ASMT: variants seen among roughly 807,000 people sequenced by gnomAD.
ASMT encodes the protein acetylserotonin N-methyltransferase.
Under a neutral mutation model 41.3 loss-of-function variants are expected in ASMT, and 53 were observed. The ratio of observed to expected loss-of-function variants is 1.28; its 90% CI spans 1.03 to 1.61. The LOEUF is 1.61. Among genes scored for constraint, ASMT ranks in the 40% most tolerant of loss-of-function variants. The pLI is 0.00. For missense variants in ASMT, 531 were observed against 441.3 expected, an observed-to-expected ratio of 1.20 and a Z score of -1.82; for synonymous variants, 231 against 184.8, an observed-to-expected ratio of 1.25 and a Z score of -2.03.
At chrX:1,618,657 G>C (rs1446076279) in intron 1 of ASMT, among the ~76,000 whole-genome samples, 2 of 151,986 alleles carry the variant, frequency 1.3e-5, no homozygotes, top group African/African-American at 4.8e-5. Context: ...GGCTGGTCTC[G>C]AACTCCTGAC....
Position 1,636,285 on chromosome X carries a change from CT to C in ASMT, c.788-148del. On this transcript the variant is annotated intron_variant, in intron 7 of 8. Coordinates refer to ENST00000381241, the MANE Select transcript of ASMT (RefSeq NM_001171038.2). ...GTATTTTCTTATCTTTCTCCTAAGC[CT>C]TTTTGTTTTCTGAGGCTAGGTCTGC... 5 of 1,142,234 alleles carry C rather than the reference CT, an allele frequency of 4.4e-6. No homozygotes were observed. The South Asian group carries it at 6.2e-5, about 14-fold the overall frequency. The allele number at this position is 1,142,234 out of a possible 1,614,324, so 70.8% of individuals were successfully genotyped here. A position where few individuals can be genotyped will look rare whatever the true frequency, so the allele number is the denominator to read the frequency against.
intron 1 of ASMT, among the ~76,000 whole-genome samples, chrX:1,621,393 C>G (rs1349793158): frequency 3.3e-5 from 5 of 151,728 alleles, no homozygotes; most frequent in African/African-American, 1.2e-4. Flanking sequence ...TCTTGGCTCA[C>G]TGCAATCTCC....
At chrX:1,616,564 A>G (rs1172717713) in intron 1 of ASMT, among the ~76,000 whole-genome samples, 1 of 151,172 alleles carries the variant, frequency 6.6e-6, no homozygotes, top group Non-Finnish European at 1.5e-5. Flanking sequence ...GTGCCCCTGA[A>G]TTATGCTTGA....
At chrX:1,616,219 G>C (rs1333982659) in intron 1 of ASMT, among the ~76,000 whole-genome samples, 1 of 151,384 alleles carries the variant, frequency 6.6e-6, no homozygotes, top group Non-Finnish European at 1.5e-5. Flanking sequence ...AGTAGAGATG[G>C]GGTTTCACCA....
chrX:1,632,025 G>A (rs1332392485), intron 5 of ASMT, among the ~76,000 whole-genome samples: 1 of 152,130 alleles, frequency 6.6e-6, no homozygotes, highest in African/African-American at 2.4e-5. Flanking sequence ...CTCCAGCCTG[G>A]TGACAGAGTG....
rs1252118941 is a variant in ASMT at position 1,616,908 on chromosome X, C to T, written c.69+1640C>T. Among the ~76,000 whole-genome samples the T allele has an allele frequency of 1.1e-4, 16 of 151,900 alleles. No homozygotes were observed. In the East Asian group the frequency reaches 2.4e-3, roughly 23 times the overall value. Reference sequence around the variant, plus strand: ...TATTTTTAGTAGAGACGGGGTTTCACCGTGTTAGCCAGGATGGTCTCGATC... The same window carrying T: ...TATTTTTAGTAGAGACGGGGTTTCATCGTGTTAGCCAGGATGGTCTCGATC... On this transcript the variant is annotated intron_variant, in intron 1 of 8. Transcript: ENST00000381241.
chrX:1,623,140 T>C lies in ASMT; in HGVS notation c.71T>C (p.Val24Ala), dbSNP rs779198895. 2 of 1,612,248 alleles carry C rather than the reference T, an allele frequency of 1.2e-6. No homozygotes were observed. The highest frequency in any genetic ancestry group is 4.5e-5 in the East Asian group (2 of 44,880). The change falls in exon 2 of 9, where the codon GTT (valine) becomes GCT (alanine). Residue 24 changes from valine (V) to alanine (A), a missense_variant and splice_region_variant. By Grantham distance (64) the Val-to-Ala change is moderately conservative (BLOSUM62 0). Coordinates refer to ENST00000381241, the MANE Select transcript of ASMT (RefSeq NM_001171038.2). Reference sequence around the variant, plus strand: ...TTTTATTTCCGCTCCTGCTCCAAGGTTCTCTTCGCCGCCTGCGAGCTGGGC... The same window carrying C: ...TTTTATTTCCGCTCCTGCTCCAAGGCTCTCTTCGCCGCCTGCGAGCTGGGC... ...DYANGFMVSQ[V>A]LFAACELGVF...
At chrX:1,620,714 C>A (rs1194589250) in intron 1 of ASMT, among the ~76,000 whole-genome samples, 4 of 151,990 alleles carry the variant, frequency 2.6e-5, no homozygotes, top group Non-Finnish European at 5.9e-5. Context: ...TGGTGAAACC[C>A]CGCCTCTACT....
rs1182360165 is a variant in ASMT, at chrX:1,633,343, G to T, written c.787+53G>T. ...GATGTGTCTCACGGCTTCTCCAGGG[G>T]GACTGGATGTTTCTGGGAAATGAAG... On this transcript the variant is annotated intron_variant, in intron 7 of 8. Transcript: ENST00000381241. 1.1e-5 allele frequency: 17 copies of T among 1,609,480 alleles called. No homozygotes were observed. The Admixed American group carries it at 1.3e-4, about 13-fold the overall frequency.
Position 1,633,790 on chromosome X carries a change from C to G in ASMT, c.787+500C>G, listed in dbSNP as rs183815320. 1.3e-3 allele frequency among the ~76,000 whole-genome samples: 191 copies of G among 152,216 alleles called. 1 individual carries two copies. The highest frequency in any genetic ancestry group is 4.3e-3 in the African/African-American group (180 of 41,518). ...AGTAGCTGGGACTACAGGCACCCACCACCACACCTGGCTAATCTTTTATAT... is the reference window on the plus strand; with the variant it reads ...AGTAGCTGGGACTACAGGCACCCACGACCACACCTGGCTAATCTTTTATAT... On this transcript the variant is annotated intron_variant, in intron 7 of 8. Transcript: ENST00000381241.
intron 1 of ASMT, among the ~76,000 whole-genome samples, chrX:1,618,046 G>A (rs1934202619): frequency 6.6e-6 from 1 of 151,200 alleles, no homozygotes; most frequent in Admixed American, 6.6e-5. Flanking sequence ...CCCAGCCACT[G>A]ATACGCAGAG....
intron 1 of ASMT, among the ~76,000 whole-genome samples, chrX:1,618,978 C>G (rs1437098014): frequency 6.6e-6 from 1 of 152,182 alleles, no homozygotes; most frequent in Non-Finnish European, 1.5e-5. Flanking sequence ...TTTCACAGAA[C>G]CAGAGTTAAT....
At position 1,642,826 on chromosome X, in the gene ASMT, A is replaced by G; in HGVS notation, c.934A>G (p.Ser312Gly). The G allele has an allele frequency of 1.2e-6, 2 of 1,613,804 alleles. No individual in the cohort carries two copies. The highest frequency in any genetic ancestry group is 1.7e-6 in the Non-Finnish European group (2 of 1,179,824). The part of the protein sequence containing the change: ...KPGGGILVIE[S>G]LLDEDRRGPL... ...AGGTGGTGGCATTCTGGTAATTGAA[A>G]GCCTCCTGGATGAAGACAGGCGAGG... The change falls in exon 9 of 9, where the codon AGC becomes GGC. Residue 312 changes from serine (S) to glycine (G), a missense_variant. Transcript: ENST00000381241.
intron 7 of ASMT, among the ~76,000 whole-genome samples, chrX:1,634,660 C>CCG (rs1484603747): frequency 2.0e-5 from 3 of 150,476 alleles, no homozygotes; most frequent in Non-Finnish European, 4.4e-5. Context: ...TTAACCCCCC[C>CCG]CCTTTTTTTT....
chrX:1,634,879 C>A (rs1934900354), intron 7 of ASMT, among the ~76,000 whole-genome samples: 1 of 151,864 alleles, frequency 6.6e-6, no homozygotes, highest in African/African-American at 2.4e-5. Flanking sequence ...CTCGGCCAGG[C>A]TGGTTTTGAA....
At chrX:1,619,047 A>G (rs1202450025) in intron 1 of ASMT, among the ~76,000 whole-genome samples, 4 of 152,324 alleles carry the variant, frequency 2.6e-5, no homozygotes, top group African/African-American at 9.6e-5. Context: ...AGAAACAATT[A>G]GCTAATGCAG....
intron 7 of ASMT, 188 bp downstream of exon 7, chrX:1,633,478 T>G (rs1289344142): frequency 1.1e-5 from 2 of 183,282 alleles, no homozygotes; most frequent in African/African-American, 4.8e-5. Context: ...TTCTTACAAT[T>G]ATTATTATTA....
At chrX:1,640,453 G>C (rs1480090963) in intron 8 of ASMT, among the ~76,000 whole-genome samples, 1 of 40,154 alleles carries the variant, frequency 2.5e-5, no homozygotes, top group Admixed American at 2.7e-4. Context: ...GCCTCTGTGT[G>C]TGAGATAGGG....
chrX:1,623,282 G>T lies in ASMT; in HGVS notation c.213G>T (p.Lys71Asn). The T allele has an allele frequency of 6.2e-7, 1 of 1,613,970 alleles. No individual in the cohort carries two copies. The highest frequency in any genetic ancestry group is 8.5e-7 in the Non-Finnish European group (1 of 1,179,882). ...ELLLDICVSL[K>N]LLKVETRGGK... ...TGCTGGACATCTGTGTGTCCCTGAA[G>T]CTGCTGAAAGTGGAGACGAGGGGAG... The change falls in exon 2 of 9, where the codon AAG becomes AAT. Residue 71 changes from lysine (K) to asparagine (N), a missense_variant. Coordinates refer to ENST00000381241, the MANE Select transcript of ASMT (RefSeq NM_001171038.2).
Sources: gnomAD v4.1 joint callset for allele counts (sites outside exome capture counted in the v4.1 genomes callset) on GRCh38, gnomAD v4.1.1 for gene constraint, MANE v1.5 for transcripts, NCBI Gene and HGNC (gene_info 2026-07-23, HGNC 2026-07-21) for gene names.